PCDHGA2: variants seen among roughly 807,000 people sequenced by gnomAD.
PCDHGA2 encodes protocadherin gamma-A2.
In PCDHGA2, 40 loss-of-function variants were observed where a neutral mutation model predicts 59.2. The ratio of observed to expected loss-of-function variants is 0.68; its 90% confidence interval spans 0.52 to 0.88. The LOEUF is 0.88. Among genes scored for constraint, PCDHGA2 ranks in the 40% least tolerant of loss-of-function variants. The probability of loss-of-function intolerance (pLI) is 0.00; values close to 1 mark genes in which losing one functional copy is unlikely to be tolerated. For missense variants in PCDHGA2, 1,226 were observed against 1,204.0 expected, an observed-to-expected ratio of 1.02 and a Z score of -0.27; for synonymous variants, 560 against 526.0, an observed-to-expected ratio of 1.06 and a Z score of -0.89.
At chr5:141,344,690 C>T (rs1561488400) in intron 1 of PCDHGA2, 2 of 1,613,972 alleles carry the variant, frequency 1.2e-6, no homozygotes, top group Non-Finnish European at 1.7e-6. Flanking sequence ...ATGGTGGCGA[C>T]CCTGTCCACT....
At chr5:141,381,370 G>A (rs562934988) in intron 1 of PCDHGA2, among the ~76,000 whole-genome samples, 1 of 152,320 alleles carries the variant, frequency 6.6e-6, no homozygotes, top group East Asian at 1.9e-4. Context: ...GGTAGCCTCG[G>A]ATCCATCAAT....
intron 1 of PCDHGA2, among the ~76,000 whole-genome samples, chr5:141,488,661 G>T (rs573211567): frequency 6.6e-6 from 1 of 152,246 alleles, no homozygotes; most frequent in African/African-American, 2.4e-5. Context: ...GGAGGGTGGG[G>T]GAATACATGG....
intron 1 of PCDHGA2, chr5:141,415,324 G>A (rs2095854761): frequency 1.9e-6 from 3 of 1,614,108 alleles, no homozygotes; most frequent in African/African-American, 2.7e-5. Flanking sequence ...CGTGCTGCTG[G>A]CGCACAGGCT....
At chr5:141,398,349 C>T in intron 1 of PCDHGA2, 2 of 1,397,134 alleles carry the variant, frequency 1.4e-6, no homozygotes, top group Non-Finnish European at 2.0e-6. Flanking sequence ...AGAAGCCTTA[C>T]TTCACCGTGA....
rs202040451 is a variant in PCDHGA2, at chr5:141,382,987, C to A, written c.2424+41592C>A. The A allele has an allele frequency of 1.5e-4, 247 of 1,613,278 alleles. 1 individual carries two copies. The East Asian group carries it at 4.5e-3, about 30-fold the overall frequency. On this transcript the variant is annotated intron_variant, in intron 1 of 3. Transcript: ENST00000394576. ...GACCCCCTGGGAAGCCTGGGCAGGA[C>A]GTATTCTCTACTCCGTGTCGGAGGA...
chr5:141,382,260 G>T (rs1033176333), intron 1 of PCDHGA2, among the ~76,000 whole-genome samples: 8 of 152,108 alleles, frequency 5.3e-5, no homozygotes, highest in African/African-American at 1.4e-4. Context: ...GCATCATGGT[G>T]TCTAGAACAT....
chr5:141,353,634 C>T (rs909718764), intron 1 of PCDHGA2, among the ~76,000 whole-genome samples: 1 of 152,114 alleles, frequency 6.6e-6, no homozygotes, highest in Non-Finnish European at 1.5e-5. Context: ...TATGCTCTTT[C>T]TATTTTGTCT....
intron 1 of PCDHGA2, among the ~76,000 whole-genome samples, chr5:141,368,324 T>C (rs1238974511): frequency 6.6e-6 from 1 of 152,186 alleles, no homozygotes; most frequent in East Asian, 1.9e-4. Context: ...CATTCAAGTA[T>C]ATCTATATCT....
At chr5:141,478,143 A>G (rs759384540) in intron 1 of PCDHGA2, 72 of 1,614,014 alleles carry the variant, frequency 4.5e-5, no homozygotes, top group Middle Eastern at 3.3e-4. Context: ...GCCCGAGCCG[A>G]GTTCCCCTCT....
rs558944208 is a variant in PCDHGA2, at chr5:141,478,187, A to G, written c.2425-16620A>G. On this transcript the variant is annotated intron_variant, in intron 1 of 3. Coordinates refer to ENST00000394576, the MANE Select transcript of PCDHGA2 (RefSeq NM_018915.4). ...CCCCCGGGAGCAGAAAAAAAATCTC[A>G]CCTTTTATCTACTTCTTTCTCTAAT... is the stretch of plus-strand genomic sequence containing the variant. The G allele has an allele frequency of 2.9e-5, 46 of 1,613,548 alleles. No individual in the cohort carries two copies. The highest frequency in any genetic ancestry group is 3.9e-5 in the Non-Finnish European group (46 of 1,179,954).
intron 1 of PCDHGA2, chr5:141,404,701 G>C (rs563319884): frequency 1.2e-6 from 2 of 1,613,956 alleles, no homozygotes; most frequent in Non-Finnish European, 1.7e-6. Context: ...GCTCTGCAGA[G>C]CCTGGCTACC....
Position 141,340,864 on chromosome 5 carries a change from C to T in PCDHGA2, c.1893C>T (p.Ala631=), listed in dbSNP as rs776467604. The part of the protein sequence containing the change: ...LHTGEVRTAR[A]LLDRDALKQS... ...CGGGCGAGGTGCGCACGGCGCGAGC[C>T]CTGCTGGACAGAGACGCGCTCAAGC... is the stretch of plus-strand genomic sequence containing the variant. The change falls in exon 1 of 4, where the codon GCC becomes GCT. Residue 631 remains alanine (A), a synonymous_variant. Transcript: ENST00000394576. 16 of 1,613,684 alleles carry T rather than the reference C, an allele frequency of 9.9e-6. No homozygotes were observed. The Admixed American group carries it at 2.7e-4, about 27-fold the overall frequency.
At position 141,340,263 on chromosome 5, in the gene PCDHGA2, C is replaced by G. The variant is rs1268832390; in HGVS notation, c.1292C>G (p.Ser431Cys). 2 of 1,614,210 alleles carry G rather than the reference C, an allele frequency of 1.2e-6. No individual in the cohort carries two copies. The highest frequency in any genetic ancestry group is 3.3e-5 in the Admixed American group (2 of 60,036). Reference protein sequence around the residue: ...TLTAKDGGNPSLSTDAHILLQ... With the variant: ...TLTAKDGGNPCLSTDAHILLQ... The stretch of plus-strand genomic sequence containing the variant: ...ACCGCTAAAGATGGAGGGAACCCCT[C>G]CCTGTCCACGGATGCTCACATTTTG... Residue 431 changes from serine to cysteine, a missense_variant, in exon 1 of 4, where the codon TCC (serine) becomes TGC (cysteine). By Grantham distance (112) the Ser-to-Cys change is moderately radical (BLOSUM62 -1). Transcript: ENST00000394576.
At chr5:141,409,441 G>C (rs1432743588) in intron 1 of PCDHGA2, 1 of 1,613,884 alleles carries the variant, frequency 6.2e-7, no homozygotes, top group East Asian at 2.2e-5. Context: ...TGGACCGAGA[G>C]CAGACACCAG....
At chr5:141,499,025 G>A (rs561539084) in intron 2 of PCDHGA2, among the ~76,000 whole-genome samples, 4 of 140,712 alleles carry the variant, frequency 2.8e-5, no homozygotes, top group Admixed American at 1.4e-4. Context: ...AGGAAGGAAG[G>A]AAGAAAAGAA....
At chr5:141,365,873 T>C in intron 1 of PCDHGA2, 2 of 1,614,096 alleles carry the variant, frequency 1.2e-6, no homozygotes, top group Non-Finnish European at 1.7e-6. Flanking sequence ...CGGTGTCCTG[T>C]ATGCTCTGAG....
At chr5:141,366,133 C>A (rs777240886) in intron 1 of PCDHGA2, 1 of 1,614,216 alleles carries the variant, frequency 6.2e-7, no homozygotes, top group East Asian at 2.2e-5. Flanking sequence ...CAGGCCAGAA[C>A]GCCTGGCTGT....
At position 141,408,387 on chromosome 5, in the gene PCDHGA2, C is replaced by T. The variant is rs774250271; in HGVS notation, c.2424+66992C>T. Reference sequence around the variant, plus strand: ...CTAGGGCTCAGTGTCCTGGATGTGTCGGCTCGCAAGCTGCGAGTGAGCGCG... The same window carrying T: ...CTAGGGCTCAGTGTCCTGGATGTGTTGGCTCGCAAGCTGCGAGTGAGCGCG... On this transcript the variant is annotated intron_variant, in intron 1 of 3. Transcript: ENST00000394576. 1.2e-5 allele frequency: 20 copies of T among 1,613,890 alleles called. No homozygotes were observed. Among genetic ancestry groups the T allele is most frequent in the Non-Finnish European group, 1.6e-5 (19 of 1,179,880 alleles).
At chr5:141,457,719 G>T (rs1437841051) in intron 1 of PCDHGA2, among the ~76,000 whole-genome samples, 1 of 152,226 alleles carries the variant, frequency 6.6e-6, no homozygotes, top group Non-Finnish European at 1.5e-5. Context: ...GTTCCACAAG[G>T]AATTTCAGAT....
Sources: allele counts gnomAD v4.1 joint callset (sites outside exome capture counted in the v4.1 genomes callset), GRCh38; gene constraint gnomAD v4.1.1; transcripts MANE v1.5; gene names NCBI Gene and HGNC (gene_info 2026-07-23, HGNC 2026-07-21).